The following SYNE3 variants were observed in gnomAD, a reference collection of about 807,000 sequenced individuals.
The protein encoded by SYNE3 is nesprin-3.
SYNE3 carries 100 observed loss-of-function variants against 111.2 expected under a neutral mutation model. The ratio of observed to expected loss-of-function variants is 0.90; its 90% confidence interval spans 0.77 to 1.06. SYNE3 has a LOEUF of 1.06. Among genes scored for constraint, SYNE3 ranks in the 50% least tolerant of loss-of-function variants. The pLI is 0.00. For missense variants in SYNE3, 1,160 were observed against 1,240.3 expected, an observed-to-expected ratio of 0.94 and a Z score of 0.97; for synonymous variants, 547 against 533.9, an observed-to-expected ratio of 1.02 and a Z score of -0.34.
chr14:95,447,388 G>A (rs899637290), intron 8 of SYNE3, among the ~76,000 whole-genome samples: 18 of 152,088 alleles, frequency 1.2e-4, no homozygotes, highest in East Asian at 1.2e-3. Flanking sequence ...CGCCCACCTC[G>A]GCCTCCCAAA....
intron 1 of SYNE3, among the ~76,000 whole-genome samples, chr14:95,510,238 T>C (rs1011937638): frequency 6.6e-6 from 1 of 152,046 alleles, no homozygotes; most frequent in Non-Finnish European, 1.5e-5. Context: ...GGGAAACAAA[T>C]GGATTCACAG....
At chr14:95,439,000 C>T (rs1439332219) in intron 14 of SYNE3, 33 bp downstream of exon 14, 1 of 1,611,614 alleles carries the variant, frequency 6.2e-7, no homozygotes, top group Non-Finnish European at 8.5e-7. Context: ...GGGGCCTGGC[C>T]CCTTCTCCCA....
At chr14:95,447,327 G>A (rs1015631137) in intron 8 of SYNE3, among the ~76,000 whole-genome samples, 5 of 152,012 alleles carry the variant, frequency 3.3e-5, no homozygotes, top group African/African-American at 9.7e-5. Flanking sequence ...TAGTAGAGAC[G>A]GGGTTTCACT....
intron 17 of SYNE3, among the ~76,000 whole-genome samples, chr14:95,419,076 C>A (rs1027950787): frequency 1.3e-5 from 2 of 152,198 alleles, no homozygotes; most frequent in African/African-American, 4.8e-5. Context: ...TGAAAGTGGC[C>A]AAGAAAACAT....
Position 95,446,055 on chromosome 14 carries a change from G to A in SYNE3, c.1486C>T (p.Leu496=), listed in dbSNP as rs1595199174. 6.2e-7 allele frequency: 1 copy of A among 1,614,130 alleles called. No individual in the cohort carries two copies. The change falls in exon 9 of 18, where the codon CTG becomes TTG. Residue 496 remains leucine, a synonymous_variant. Coordinates refer to ENST00000682763, the MANE Select transcript of SYNE3 (RefSeq NM_152592.6). ...TCTTTCTTCAGCTGCAGCATCGTCA[G>A]CAGCTCTTTCAGGCGGGAGCTTTCC... ...LMESSRLKEL[L]TMLQLKKDLL...
intron 1 of SYNE3, among the ~76,000 whole-genome samples, chr14:95,497,938 T>C (rs1747025721): frequency 6.6e-6 from 1 of 151,934 alleles, no homozygotes; most frequent in African/African-American, 2.4e-5. Flanking sequence ...GAAAGACCTC[T>C]TGAGCCCAGA....
chr14:95,484,978 A>C (rs1889465095), intron 1 of SYNE3, among the ~76,000 whole-genome samples: 1 of 152,100 alleles, frequency 6.6e-6, no homozygotes, highest in Non-Finnish European at 1.5e-5. Context: ...CCAATTTATA[A>C]AACTGGGGGC....
At chr14:95,450,733 A>G (rs1887025980) in intron 7 of SYNE3, 1 of 152,396 alleles carries the variant, frequency 6.6e-6, no homozygotes, top group Non-Finnish European at 1.5e-5. Flanking sequence ...TATAGTAGGT[A>G]TAAAGAGCTG....
intron 8 of SYNE3, among the ~76,000 whole-genome samples, chr14:95,447,705 C>T (rs954115317): frequency 6.6e-6 from 1 of 152,144 alleles, no homozygotes; most frequent in African/African-American, 2.4e-5. Flanking sequence ...ACCTTTACCC[C>T]CTTTTCACCA....
rs561480218 is a variant in SYNE3, at chr14:95,484,037, C to T, written c.-14-8202G>A. Reference sequence around the variant, plus strand: ...TCTGATGCACCTGCTTCTCCAGATACGCCAACCATAAAACCCATTTCCAGT... The same window carrying T: ...TCTGATGCACCTGCTTCTCCAGATATGCCAACCATAAAACCCATTTCCAGT... On this transcript the variant is annotated intron_variant, in intron 1 of 17. Transcript: ENST00000682763. Among the ~76,000 whole-genome samples, 14 of 152,300 alleles carry T rather than the reference C, an allele frequency of 9.2e-5. No homozygotes were observed. The South Asian group carries it at 2.7e-3, about 29-fold the overall frequency.
At chr14:95,457,069 A>G in intron 5 of SYNE3, 108 bp downstream of exon 5, 5 of 1,422,578 alleles carry the variant, frequency 3.5e-6, no homozygotes, top group Non-Finnish European at 4.7e-6. Flanking sequence ...TGAGCAACAG[A>G]GCAAGACTCC....
intron 1 of SYNE3, among the ~76,000 whole-genome samples, chr14:95,490,730 C>T (rs1006854611): frequency 6.6e-6 from 1 of 152,218 alleles, no homozygotes; most frequent in African/African-American, 2.4e-5. Context: ...TGGCCTGACT[C>T]CACAGCTCAA....
At chr14:95,494,591 T>C (rs751450695) in intron 1 of SYNE3, among the ~76,000 whole-genome samples, 1 of 152,060 alleles carries the variant, frequency 6.6e-6, no homozygotes, top group Non-Finnish European at 1.5e-5. Context: ...TTTTACTCTG[T>C]GGGCAATAGG....
At chr14:95,468,074 G>A in intron 2 of SYNE3, 107 bp from the exon 3 acceptor site, 2 of 1,309,520 alleles carry the variant, frequency 1.5e-6, no homozygotes, top group Admixed American at 5.1e-5. Flanking sequence ...AAGGCCAGAG[G>A]ATCTGGGATT....
At chr14:95,480,765 A>C (rs1363002363) in intron 1 of SYNE3, among the ~76,000 whole-genome samples, 1 of 152,046 alleles carries the variant, frequency 6.6e-6, no homozygotes, top group East Asian at 1.9e-4. Flanking sequence ...GCAAACTGAA[A>C]AAAAAAAGGC....
intron 3 of SYNE3, among the ~76,000 whole-genome samples, chr14:95,466,607 C>T (rs1012750279): frequency 3.9e-5 from 6 of 152,204 alleles, no homozygotes; most frequent in Admixed American, 2.6e-4. Flanking sequence ...CACAGACACC[C>T]CCAGTCATTT....
In SYNE3 at chr14:95,475,749, C is replaced by G; in HGVS notation, c.73G>C (p.Asp25His). 6.2e-7 allele frequency: 1 copy of G among 1,607,696 alleles called. No individual in the cohort carries two copies. Among genetic ancestry groups the G allele is most frequent in the Non-Finnish European group, 8.5e-7 (1 of 1,177,492 alleles). Reference protein sequence around the residue: ...DAQAWMKAVQDQLQVNDNTQG... With the variant: ...DAQAWMKAVQHQLQVNDNTQG... ...GTGTTGTCATTGACCTGCAGCTGGT[C>G]CTGCACAGCCTTCATCCATGCCTGG... The change falls in exon 2 of 18, where the codon GAC becomes CAC. Residue 25 changes from aspartate (D) to histidine (H), a missense_variant. By Grantham distance (81) the Asp-to-His change is moderately conservative. Transcript: ENST00000682763.
chr14:95,440,838 GT>G (rs1479344458), intron 11 of SYNE3, among the ~76,000 whole-genome samples: 1 of 152,222 alleles, frequency 6.6e-6, no homozygotes, highest in East Asian at 1.9e-4. Flanking sequence ...AATATTCTGT[GT>G]TTTAGTTGGG....
chr14:95,453,352 G>T (rs1887209506), intron 6 of SYNE3, among the ~76,000 whole-genome samples: 1 of 152,164 alleles, frequency 6.6e-6, no homozygotes, highest in Admixed American at 6.5e-5. Context: ...CAGGGAACCA[G>T]GGGCAGCTCC....
Sources: allele counts gnomAD v4.1 joint callset (sites outside exome capture counted in the v4.1 genomes callset), GRCh38; gene constraint gnomAD v4.1.1; transcripts MANE v1.5; gene names NCBI Gene and HGNC (gene_info 2026-07-23, HGNC 2026-07-21).